The following DOCK7 variants were observed in gnomAD, a reference collection of about 807,000 sequenced individuals.
The protein encoded by DOCK7 is dedicator of cytokinesis 7.
In DOCK7, 138 loss-of-function variants were observed where a neutral mutation model predicts 271.0. The ratio of observed to expected loss-of-function variants is 0.51; its 90% CI spans 0.44 to 0.59. DOCK7 has a LOEUF of 0.59. Ranked by LOEUF, DOCK7 falls within the 20% of genes least tolerant of loss-of-function variation. The pLI, the probability that DOCK7 is intolerant of heterozygous loss-of-function variation, is 0.00. For synonymous variants in DOCK7, 823 were observed against 876.1 expected, an observed-to-expected ratio of 0.94 and a Z score of 1.07; for missense variants, 2,066 against 2,592.4, an observed-to-expected ratio of 0.80 and a Z score of 4.41.
chr1:62,496,083 TTGTC>T lies in DOCK7; in HGVS notation c.4923+252_4923+255del, dbSNP rs55649868. On this transcript the variant is annotated intron_variant, in intron 38 of 49. Transcript: ENST00000635253. Reference sequence around the variant, plus strand: ...AGTAGGAACGTTTCATCATAAAGCTTTGTCTGCACTGTCCAAGTCTGCTGTTCTA... The same window carrying T: ...AGTAGGAACGTTTCATCATAAAGCTTTGCACTGTCCAAGTCTGCTGTTCTA... Among the ~76,000 whole-genome samples, 1,938 of 152,324 alleles carry T rather than the reference TTGTC, an allele frequency of 0.013. 18 individuals carry two copies. Among genetic ancestry groups the T allele is most frequent in the Non-Finnish European group, 0.021 (1,462 of 68,018 alleles).
chr1:62,678,699 A>ATT (rs1428510023), intron 1 of DOCK7, among the ~76,000 whole-genome samples: 5 of 151,684 alleles, frequency 3.3e-5, no homozygotes, highest in Admixed American at 3.3e-4. Flanking sequence ...AGCAGTCAAG[A>ATT]TTTTTTTTTA....
Position 62,633,429 on chromosome 1 carries a change from T to C in DOCK7, c.1116+69A>G, listed in dbSNP as rs976976708. 6 of 1,193,074 alleles carry C rather than the reference T, an allele frequency of 5.0e-6. No homozygotes were observed. The African/African-American group carries it at 6.1e-5, about 12-fold the overall frequency. 73.9% of individuals were successfully genotyped at this position (1,193,074 alleles called of 1,614,324 possible). On this transcript the variant is annotated intron_variant, in intron 10 of 49. Coordinates refer to ENST00000635253, the MANE Select transcript of DOCK7 (RefSeq NM_001367561.1). ...ATTGCTATTGCATATAAAATGCTAT[T>C]GGGAGAATAGTATTCTCCCAAGTTA...
intron 14 of DOCK7, 150 bp downstream of exon 14, chr1:62,618,556 C>T (rs867082376): frequency 5.2e-5 from 34 of 651,042 alleles, no homozygotes; most frequent in South Asian, 2.5e-4. Context: ...AGCCTTAATA[C>T]GTGAAAACTA....
At chr1:62,686,872 T>C (rs1338349716) in intron 1 of DOCK7, among the ~76,000 whole-genome samples, 1 of 136,274 alleles carries the variant, frequency 7.3e-6, no homozygotes, top group Non-Finnish European at 1.6e-5. Context: ...GCTAGAACGC[T>C]GGAAAGAAAG....
chr1:62,601,991 T>C (rs1650198488), intron 14 of DOCK7: 1 of 667,464 alleles, frequency 1.5e-6, no homozygotes, highest in East Asian at 2.8e-5. Flanking sequence ...ATGAAATATA[T>C]ATGAGTATTC....
intron 1 of DOCK7, among the ~76,000 whole-genome samples, chr1:62,667,519 C>A (rs1659452458): frequency 6.6e-6 from 1 of 152,078 alleles, no homozygotes; most frequent in African/African-American, 2.4e-5. Flanking sequence ...TTGGAATTAA[C>A]AATAAAGAAA....
intron 41 of DOCK7, among the ~76,000 whole-genome samples, chr1:62,489,529 T>C (rs540771264): frequency 6.6e-6 from 1 of 152,334 alleles, no homozygotes; most frequent in Admixed American, 6.5e-5. Context: ...TTTTTAACTG[T>C]ATTAAGGTTT....
At chr1:62,552,640 T>A in intron 22 of DOCK7, 92 bp downstream of exon 22, 1 of 1,256,668 alleles carries the variant, frequency 8.0e-7, no homozygotes, top group East Asian at 2.5e-5. Flanking sequence ...CTTACATACA[T>A]CTCAAAATTC....
At chr1:62,619,390 TA>T (rs1163186857) in intron 13 of DOCK7, among the ~76,000 whole-genome samples, 1 of 152,214 alleles carries the variant, frequency 6.6e-6, no homozygotes, top group Non-Finnish European at 1.5e-5. Context: ...GGATATATTT[TA>T]AGACCCAACC....
intron 14 of DOCK7, among the ~76,000 whole-genome samples, chr1:62,611,733 A>G (rs575943503): frequency 2.0e-5 from 3 of 152,298 alleles, no homozygotes; most frequent in Admixed American, 1.3e-4. Flanking sequence ...ATTTTAGGAA[A>G]AAAAATTTAA....
intron 14 of DOCK7, among the ~76,000 whole-genome samples, chr1:62,610,441 CATT>C (rs1478424132): frequency 2.0e-5 from 3 of 151,966 alleles, no homozygotes; most frequent in African/African-American, 7.2e-5. Flanking sequence ...AAGATTTTGT[CATT>C]AATAGAAACA....
At chr1:62,488,639 A>G in intron 42 of DOCK7, 1 of 341,054 alleles carries the variant, frequency 2.9e-6, no homozygotes, top group South Asian at 2.8e-5. Context: ...CACAACTATG[A>G]TCTACCTTGT....
At chr1:62,494,521 G>C in intron 39 of DOCK7, 54 bp from the exon 40 acceptor site, 2 of 1,508,018 alleles carry the variant, frequency 1.3e-6, no homozygotes, top group Non-Finnish European at 1.8e-6. Context: ...AGCTGGGAGG[G>C]AGTTTAGATA....
At chr1:62,458,444 T>C (rs561319043) in intron 48 of DOCK7, 1 of 152,192 alleles carries the variant, frequency 6.6e-6, no homozygotes, top group African/African-American at 2.4e-5. Context: ...GACTAGAAGC[T>C]CTTTCAGGGA....
intron 11 of DOCK7, 95 bp downstream of exon 11, chr1:62,631,145 A>G: frequency 8.8e-7 from 1 of 1,140,144 alleles, no homozygotes; most frequent in East Asian, 2.7e-5. Context: ...AGATCGTGCC[A>G]CTGCCCTCCA....
intron 1 of DOCK7, among the ~76,000 whole-genome samples, chr1:62,683,017 A>C (rs1661343141): frequency 6.6e-6 from 1 of 152,210 alleles, no homozygotes; most frequent in African/African-American, 2.4e-5. Flanking sequence ...TAGTATGCTA[A>C]GGTTAAAATG....
intron 4 of DOCK7, among the ~76,000 whole-genome samples, chr1:62,651,826 G>A (rs1427401013): frequency 6.6e-6 from 1 of 151,922 alleles, no homozygotes; most frequent in Non-Finnish European, 1.5e-5. Context: ...CAAGTGTATT[G>A]GTTTGCATCA....
intron 18 of DOCK7, among the ~76,000 whole-genome samples, chr1:62,566,759 A>C (rs1201054751): frequency 6.6e-6 from 1 of 152,216 alleles, no homozygotes; most frequent in Non-Finnish European, 1.5e-5. Flanking sequence ...GTGAACAAGC[A>C]ACCTACAAAA....
At chr1:62,507,257 A>T (rs1557641784) in intron 35 of DOCK7, among the ~76,000 whole-genome samples, 1 of 152,192 alleles carries the variant, frequency 6.6e-6, no homozygotes. Context: ...GAATGGAAGG[A>T]ATAGGTGAGA....
Sources: allele counts gnomAD v4.1 joint callset (sites outside exome capture counted in the v4.1 genomes callset), GRCh38; gene constraint gnomAD v4.1.1; transcripts MANE v1.5; gene names NCBI Gene and HGNC (gene_info 2026-07-23, HGNC 2026-07-21).